The following TBC1D4 variants were observed in gnomAD, a reference collection of about 807,000 sequenced individuals.
TBC1D4 encodes the protein TBC (Tre-2, BUB2, CDC16) domain-containing protein.
In TBC1D4, 121 loss-of-function variants were observed where a neutral mutation model predicts 142.5. The ratio of observed to expected loss-of-function variants is 0.85; its 90% CI spans 0.73 to 0.99. The LOEUF (loss-of-function observed/expected upper bound fraction) is 0.99. Ranked by LOEUF, TBC1D4 falls within the 50% of genes least tolerant of loss-of-function variation. The pLI is 0.00. For missense variants in TBC1D4, 1,475 were observed against 1,606.6 expected, an observed-to-expected ratio of 0.92 and a Z score of 1.40; for synonymous variants, 630 against 628.2, an observed-to-expected ratio of 1.00 and a Z score of -0.04.
At position 75,294,983 on chromosome 13, in the gene TBC1D4, G is replaced by A. The variant is rs1875750628; in HGVS notation, c.3187C>T (p.His1063Tyr). The A allele has an allele frequency of 2.5e-6, 4 of 1,613,780 alleles. No homozygotes were observed. The Admixed American group carries it at 6.7e-5, about 27-fold the overall frequency. Reference sequence around the variant, plus strand: ...TTGTAGAGATCTCTGTGATAGTCATGAAGGAGCCTGGACAGCTGGTACATT... The same window carrying A: ...TTGTAGAGATCTCTGTGATAGTCATAAAGGAGCCTGGACAGCTGGTACATT... ...IQMYQLSRLL[H>Y]DYHRDLYNHL... The change falls in exon 18 of 21, where the codon CAT becomes TAT. Residue 1063 changes from histidine to tyrosine, a missense_variant. His to Tyr is a moderately conservative substitution (Grantham distance 83). Around this residue, in one of 2 missense-constraint regions of TBC1D4, gnomAD observed 248 missense variants for 338.9 expected, o/e 0.73. Coordinates refer to ENST00000377636, the MANE Select transcript of TBC1D4 (RefSeq NM_014832.5).
At chr13:75,462,255 G>A (rs1023346469) in intron 1 of TBC1D4, among the ~76,000 whole-genome samples, 3 of 152,094 alleles carry the variant, frequency 2.0e-5, no homozygotes, top group South Asian at 4.1e-4. Flanking sequence ...TGGACCAGAG[G>A]AACAGATGCA....
At chr13:75,323,898 G>A (rs1018778640) in intron 11 of TBC1D4, among the ~76,000 whole-genome samples, 1 of 152,042 alleles carries the variant, frequency 6.6e-6, no homozygotes, top group Non-Finnish European at 1.5e-5. Flanking sequence ...AAAAAAAAAG[G>A]CACAATCAGG....
rs377597718 is a variant in TBC1D4, at chr13:75,326,436, C to A, written c.1807-13G>T. 2 of 1,613,780 alleles carry A rather than the reference C, an allele frequency of 1.2e-6. No individual in the cohort carries two copies. Among genetic ancestry groups the A allele is most frequent in the Non-Finnish European group, 1.7e-6 (2 of 1,179,790 alleles). On this transcript the variant is annotated splice_polypyrimidine_tract_variant and intron_variant, in intron 9 of 20. Coordinates refer to ENST00000377636, the MANE Select transcript of TBC1D4 (RefSeq NM_014832.5). ...CTGGTGAGTAGTCCTGAAACACAAG[C>A]GGAAGGGAGCCCTTTATTTCCCACG...
chr13:75,408,029 A>G (rs1295846075), intron 1 of TBC1D4, among the ~76,000 whole-genome samples: 1 of 152,148 alleles, frequency 6.6e-6, no homozygotes, highest in Non-Finnish European at 1.5e-5. Context: ...GCTTTTTAGC[A>G]TATTTACAAA....
At chr13:75,409,102 A>G (rs2138385830) in intron 1 of TBC1D4, among the ~76,000 whole-genome samples, 1 of 152,126 alleles carries the variant, frequency 6.6e-6, no homozygotes, top group South Asian at 2.1e-4. Context: ...GTTATTGGTC[A>G]GTTACCAGTC....
chr13:75,336,222 C>T (rs1383571251), intron 8 of TBC1D4, among the ~76,000 whole-genome samples: 1 of 151,032 alleles, frequency 6.6e-6, no homozygotes, highest in South Asian at 2.1e-4. Context: ...CATGGTGAAA[C>T]CCTGTCTCTA....
At chr13:75,478,290 T>A (rs1888699766) in intron 1 of TBC1D4, among the ~76,000 whole-genome samples, 1 of 152,242 alleles carries the variant, frequency 6.6e-6, no homozygotes, top group Non-Finnish European at 1.5e-5. Flanking sequence ...GGTTTATTAC[T>A]CACAGTGCTT....
chr13:75,383,859 C>T lies in TBC1D4; in HGVS notation c.499-21252G>A, dbSNP rs13378342. ...ATGTCTCCTACAAGATTCTCAATTC[C>T]TTGCTGAGCACTCATTCTTACTTCA... On this transcript the variant is annotated intron_variant, in intron 1 of 20. Transcript: ENST00000377636. 5.9e-3 allele frequency among the ~76,000 whole-genome samples: 898 copies of T among 152,230 alleles called. 13 individuals carry two copies. The highest frequency in any genetic ancestry group is 0.019 in the African/African-American group (810 of 41,544).
In TBC1D4 at chr13:75,324,279, T is replaced by C. The variant is rs1236977334; in HGVS notation, c.2156A>G (p.Gln719Arg). The change falls in exon 11 of 21, where the codon CAG (glutamine) becomes CGG (arginine). Residue 719 changes from glutamine to arginine, a missense_variant. Gln to Arg is a conservative substitution (Grantham distance 43). Coordinates refer to ENST00000377636, the MANE Select transcript of TBC1D4 (RefSeq NM_014832.5). ...TAPSFLKSFY[Q>R]NSGRLSPQYE... ...CTGTGGGGACAGTCTACCTGAATTC[T>C]GGTAAAAGCTTTTCAGGAAAGAGGG... The C allele has an allele frequency of 1.9e-6, 3 of 1,613,956 alleles. No homozygotes were observed. The Admixed American group carries it at 5.0e-5, about 27-fold the overall frequency.
intron 13 of TBC1D4, 118 bp downstream of exon 13, chr13:75,312,620 T>C (rs567961854): frequency 5.2e-6 from 7 of 1,357,996 alleles, no homozygotes; most frequent in South Asian, 1.2e-5. Flanking sequence ...CTGTATCACA[T>C]ACAGAAAGAT....
chr13:75,320,161 C>A (rs1365250798), intron 11 of TBC1D4, 124 bp from the exon 12 acceptor site: 18 of 990,316 alleles, frequency 1.8e-5, no homozygotes, highest in South Asian at 4.5e-5. Context: ...CAATAATGAA[C>A]CACAATGAAT....
intron 1 of TBC1D4, among the ~76,000 whole-genome samples, chr13:75,441,498 C>CA (rs1044662354): frequency 1.3e-5 from 2 of 151,834 alleles, no homozygotes; most frequent in African/African-American, 4.8e-5. Flanking sequence ...GTATTCTTAC[C>CA]AAAAAAATTC....
At chr13:75,381,639 C>G (rs1883852392) in intron 1 of TBC1D4, among the ~76,000 whole-genome samples, 1 of 152,186 alleles carries the variant, frequency 6.6e-6, no homozygotes, top group Admixed American at 6.5e-5. Context: ...TTATTGGCAT[C>G]CCCAAGTCTG....
chr13:75,440,207 AAAG>A (rs1249819001), intron 1 of TBC1D4, among the ~76,000 whole-genome samples: 9 of 152,312 alleles, frequency 5.9e-5, no homozygotes, highest in African/African-American at 1.9e-4. Flanking sequence ...AAAGAAAAAA[AAAG>A]AAGAAGGGTG....
At chr13:75,300,335 T>C (rs1020620762) in intron 16 of TBC1D4, among the ~76,000 whole-genome samples, 3 of 152,212 alleles carry the variant, frequency 2.0e-5, no homozygotes, top group Non-Finnish European at 4.4e-5. Flanking sequence ...GAGAGTTCTA[T>C]ACACAGAAAC....
In TBC1D4 at chr13:75,366,885, G is replaced by A. The variant is rs372465073; in HGVS notation, c.499-4278C>T. On this transcript the variant is annotated intron_variant, in intron 1 of 20. Transcript: ENST00000377636. ...CTGAACAAACACAGGAGAAAATCTGGAGAGTGAAAAAGCACTAAGGAAAGA... is the reference window on the plus strand; with the variant it reads ...CTGAACAAACACAGGAGAAAATCTGAAGAGTGAAAAAGCACTAAGGAAAGA... 327 of 903,188 alleles carry A rather than the reference G, an allele frequency of 3.6e-4. No individual in the cohort carries two copies. In the African/African-American group the frequency reaches 5.5e-3, roughly 15 times the overall value. 55.9% of individuals were successfully genotyped at this position (903,188 alleles called of 1,614,324 possible).
At chr13:75,311,329 T>C (rs1280735059) in intron 13 of TBC1D4, among the ~76,000 whole-genome samples, 1 of 152,224 alleles carries the variant, frequency 6.6e-6, no homozygotes, top group Non-Finnish European at 1.5e-5. Flanking sequence ...CGAGTTTAAA[T>C]AAACATCTAA....
intron 20 of TBC1D4, among the ~76,000 whole-genome samples, chr13:75,287,356 C>T (rs1874794568): frequency 6.6e-6 from 1 of 152,116 alleles, no homozygotes. Flanking sequence ...AGATTCCTGA[C>T]ACTATTGCAG....
intron 1 of TBC1D4, among the ~76,000 whole-genome samples, chr13:75,473,592 C>T (rs1888506443): frequency 1.3e-5 from 2 of 152,164 alleles, no homozygotes; most frequent in South Asian, 2.1e-4. Context: ...AAAATAAAAA[C>T]GCTAAAGCAG....
Sources: allele counts gnomAD v4.1 joint callset (sites outside exome capture counted in the v4.1 genomes callset), GRCh38; gene constraint gnomAD v4.1.1; regional missense constraint gnomAD v4.1.1; transcripts MANE v1.5; gene names NCBI Gene and HGNC (gene_info 2026-07-23, HGNC 2026-07-21).